The following MAP4K4 variants were observed in gnomAD, a reference collection of about 807,000 sequenced individuals.
The protein encoded by MAP4K4 is mitogen-activated protein kinase kinase kinase kinase 4.
In MAP4K4, 38 loss-of-function variants were observed where a neutral mutation model predicts 189.6. The observed-to-expected ratio is 0.20, with a 90% CI of 0.15 to 0.26. The LOEUF (loss-of-function observed/expected upper bound fraction) is 0.26, where lower values mean the gene tolerates loss of function less well. MAP4K4 is among the 10% of genes least tolerant of loss of function. MAP4K4 has a pLI of 1.00. For missense variants in MAP4K4, 1,054 were observed against 1,726.9 expected (o/e 0.61, Z 6.91); for synonymous variants, 610 against 624.3 (o/e 0.98, Z 0.34).
At chr2:101,724,139 T>C (rs919189608) in intron 2 of MAP4K4, among the ~76,000 whole-genome samples, 2 of 152,182 alleles carry the variant, frequency 1.3e-5, no homozygotes, top group African/African-American at 4.8e-5. Flanking sequence ...AGTTTGATGA[T>C]GACTTATTTA....
At chr2:101,829,861 C>CT in intron 6 of MAP4K4, 1 of 315,076 alleles carries the variant, frequency 3.2e-6, no homozygotes, top group South Asian at 5.2e-5. Flanking sequence ...CTTAAAGAAC[C>CT]TTAATGGCTT....
At chr2:101,737,451 ATATATATATATTTTTTTTTTTTT>A (rs1263799266) in intron 2 of MAP4K4, among the ~76,000 whole-genome samples, 29 of 36,104 alleles carry the variant, frequency 8.0e-4, no homozygotes, top group African/African-American at 4.7e-3. Context: ...ATATATATAT[ATATATATATATTTTTTTTTTTTT>A]TTTTTTTTTT....
chr2:101,739,743 A>G (rs893122922), intron 2 of MAP4K4, among the ~76,000 whole-genome samples: 2 of 152,366 alleles, frequency 1.3e-5, no homozygotes, highest in Non-Finnish European at 2.9e-5. Context: ...TTTAGAATTC[A>G]CTTGGATTAG....
intron 3 of MAP4K4, among the ~76,000 whole-genome samples, chr2:101,815,705 T>G (rs988786787): frequency 1.3e-5 from 2 of 152,204 alleles, no homozygotes; most frequent in African/African-American, 4.8e-5. Context: ...TTCGAAGATT[T>G]GATTTTGGGA....
At chr2:101,709,872 G>T (rs1559039772) in intron 2 of MAP4K4, among the ~76,000 whole-genome samples, 1 of 152,116 alleles carries the variant, frequency 6.6e-6, no homozygotes, top group Non-Finnish European at 1.5e-5. Context: ...TTATTCTTAA[G>T]TTTTTTTGTG....
At position 101,754,846 on chromosome 2, in the gene MAP4K4, G is replaced by A. The variant is rs1410961634; in HGVS notation, c.124-35874G>A. ...GCTTTATGAGTTGTTAGGAGAGAAA[G>A]CCCTGGAATGGAAGGCAGGCAAGTG... On this transcript the variant is annotated intron_variant, in intron 2 of 32. Transcript: ENST00000324219. Among the ~76,000 whole-genome samples, 4 of 152,284 alleles carry A rather than the reference G, an allele frequency of 2.6e-5. No individual in the cohort carries two copies. In the East Asian group the frequency reaches 7.7e-4, roughly 29 times the overall value.
At chr2:101,772,202 C>T (rs966395866) in intron 2 of MAP4K4, among the ~76,000 whole-genome samples, 7 of 152,216 alleles carry the variant, frequency 4.6e-5, no homozygotes, top group African/African-American at 1.2e-4. Context: ...TTGTACTCAA[C>T]GTCTCAGCCA....
At chr2:101,868,094 C>T in intron 21 of MAP4K4, 57 bp downstream of exon 21, 1 of 1,595,922 alleles carries the variant, frequency 6.3e-7, no homozygotes, top group Non-Finnish European at 8.6e-7. Flanking sequence ...CGCCTGTCAG[C>T]TCAGCTTGTA....
intron 2 of MAP4K4, among the ~76,000 whole-genome samples, chr2:101,777,814 A>G (rs1454731366): frequency 6.6e-6 from 1 of 152,188 alleles, no homozygotes; most frequent in Non-Finnish European, 1.5e-5. Context: ...AGTGTCTTGT[A>G]TATCAGAATG....
chr2:101,782,580 T>A (rs989970730), intron 2 of MAP4K4, among the ~76,000 whole-genome samples: 1 of 152,130 alleles, frequency 6.6e-6, no homozygotes, highest in African/African-American at 2.4e-5. Context: ...CGTGCACATA[T>A]AGGAGCCCTC....
chr2:101,793,568 G>GTTTT (rs5832988), intron 3 of MAP4K4, among the ~76,000 whole-genome samples: 19 of 127,578 alleles, frequency 1.5e-4, no homozygotes, highest in African/African-American at 4.9e-4. Flanking sequence ...ACTCTTCATG[G>GTTTT]TTTTTTTTTT....
At chr2:101,878,945 A>G (rs2098292159) in intron 27 of MAP4K4, among the ~76,000 whole-genome samples, 1 of 152,148 alleles carries the variant, frequency 6.6e-6, no homozygotes, top group South Asian at 2.1e-4. Context: ...GCCATTTAAA[A>G]CTAGAGTGCT....
chr2:101,864,259 C>A (rs2097756105), intron 17 of MAP4K4, among the ~76,000 whole-genome samples: 1 of 152,040 alleles, frequency 6.6e-6, no homozygotes, highest in African/African-American at 2.4e-5. Flanking sequence ...TTTTTGTTAA[C>A]CCTAAATAAG....
At chr2:101,723,097 T>TA (rs1200515111) in intron 2 of MAP4K4, among the ~76,000 whole-genome samples, 1 of 152,138 alleles carries the variant, frequency 6.6e-6, no homozygotes, top group African/African-American at 2.4e-5. Flanking sequence ...GCCAAACACT[T>TA]ACAAAACCGC....
Position 101,721,737 on chromosome 2 carries a change from T to G in MAP4K4, c.123+23199T>G, listed in dbSNP as rs186831984. On this transcript the variant is annotated intron_variant, in intron 2 of 32. Transcript: ENST00000324219. ...GGCATGAGTCACTGGTGCCCAGCCC[T>G]TGCTTTTTGTTTTTACTAAAGCCTT... Among the ~76,000 whole-genome samples, 531 of 152,288 alleles carry G rather than the reference T, an allele frequency of 3.5e-3. 2 individuals carry two copies. The highest frequency in any genetic ancestry group is 0.012 in the African/African-American group (516 of 41,548).
chr2:101,756,172 C>T (rs190283972), intron 2 of MAP4K4, among the ~76,000 whole-genome samples: 1 of 152,138 alleles, frequency 6.6e-6, no homozygotes, highest in East Asian at 1.9e-4. Flanking sequence ...TCTGGATCTC[C>T]TGACCTCGTG....
intron 5 of MAP4K4, among the ~76,000 whole-genome samples, chr2:101,826,158 A>G (rs376151903): frequency 9.9e-5 from 15 of 152,150 alleles, no homozygotes; most frequent in African/African-American, 3.4e-4. Flanking sequence ...TTTACCTACC[A>G]CATTTAAAAA....
chr2:101,831,911 G>A (rs923375869), intron 7 of MAP4K4, 60 bp downstream of exon 7: 3 of 1,572,058 alleles, frequency 1.9e-6, no homozygotes, highest in African/African-American at 2.7e-5. Context: ...AGGGATGGGG[G>A]CTTTGCTTAT....
At chr2:101,743,118 A>G (rs1295254755) in intron 2 of MAP4K4, among the ~76,000 whole-genome samples, 4 of 152,152 alleles carry the variant, frequency 2.6e-5, no homozygotes, top group South Asian at 2.1e-4. Context: ...AAAGATTGTT[A>G]GGGATGTGTG....
Sources: allele counts gnomAD v4.1 joint callset (sites outside exome capture counted in the v4.1 genomes callset), GRCh38; gene constraint gnomAD v4.1.1; transcripts MANE v1.5; gene names NCBI Gene and HGNC (gene_info 2026-07-23, HGNC 2026-07-21).